Variants in MEGF11 observed in about 807,000 individuals in gnomAD.
MEGF11 encodes multiple EGF like domains 11.
A neutral mutation model predicts 146.6 loss-of-function variants in MEGF11; 126 were observed. The observed-to-expected ratio is 0.86, with a 90% CI of 0.74 to 1.00. The LOEUF (loss-of-function observed/expected upper bound fraction) is 1.00. Ranked by LOEUF, MEGF11 falls within the 50% of genes least tolerant of loss-of-function variation. The pLI, the probability that MEGF11 is intolerant of heterozygous loss-of-function variation, is 0.00. For synonymous variants in MEGF11, 532 were observed against 583.4 expected (o/e 0.91, Z 1.27); for missense variants, 1,509 against 1,521.2 (o/e 0.99, Z 0.13).
At chr15:66,149,355 A>G (rs941959304) in intron 1 of MEGF11, among the ~76,000 whole-genome samples, 1 of 152,162 alleles carries the variant, frequency 6.6e-6, no homozygotes, top group African/African-American at 2.4e-5. Context: ...TGATCTCTCC[A>G]ACCCTTGGTT....
At chr15:66,233,407 T>C (rs547291557) in intron 1 of MEGF11, among the ~76,000 whole-genome samples, 14 of 152,256 alleles carry the variant, frequency 9.2e-5, no homozygotes, top group African/African-American at 3.4e-4. Context: ...GGCTAATTTT[T>C]GTATTTTTAG....
intron 13 of MEGF11, among the ~76,000 whole-genome samples, chr15:65,927,891 A>C (rs898530365): frequency 6.6e-6 from 1 of 152,228 alleles, no homozygotes; most frequent in African/African-American, 2.4e-5. Flanking sequence ...CATTCTGAAC[A>C]GGGACTGAAA....
At chr15:66,238,643 G>T (rs1272556107) in intron 1 of MEGF11, among the ~76,000 whole-genome samples, 1 of 152,198 alleles carries the variant, frequency 6.6e-6, no homozygotes, top group Admixed American at 6.5e-5. Flanking sequence ...CCTGAGATAG[G>T]TTCTATCATA....
At chr15:66,185,181 G>A (rs935845664) in intron 1 of MEGF11, among the ~76,000 whole-genome samples, 1 of 152,106 alleles carries the variant, frequency 6.6e-6, no homozygotes, top group Non-Finnish European at 1.5e-5. Context: ...TCTCTAGAAT[G>A]TGGGGACGGC....
chr15:66,176,815 C>T (rs545877124), intron 1 of MEGF11, among the ~76,000 whole-genome samples: 1 of 152,336 alleles, frequency 6.6e-6, no homozygotes, highest in Admixed American at 6.5e-5. Flanking sequence ...GATAGGGGTT[C>T]TGTCTGCCTG....
chr15:65,970,212 A>C (rs1318624452), intron 8 of MEGF11, among the ~76,000 whole-genome samples: 1 of 150,566 alleles, frequency 6.6e-6, no homozygotes, highest in African/African-American at 2.5e-5. Flanking sequence ...AAACATATGA[A>C]TGAAGTGATT....
rs548338405 is a variant in MEGF11, at chr15:66,211,506, AGAGT to A, written c.-9+42095_-9+42098del. Among the ~76,000 whole-genome samples, 11 of 144,138 alleles carry A rather than the reference AGAGT, an allele frequency of 7.6e-5. No individual in the cohort carries two copies. In the South Asian group the frequency reaches 2.5e-3, roughly 33 times the overall value. The allele number at this position is 144,138 out of a possible 152,430, so 94.6% of individuals were successfully genotyped here. A position where few individuals can be genotyped will look rare whatever the true frequency, so the allele number is the denominator to read the frequency against. ...ACCACTGCACTCCAGCCTGGGTGAC[AGAGT>A]GAGACTCAGTCTCAAAAAAAAAAAA... On this transcript the variant is annotated intron_variant, in intron 1 of 25. Transcript: ENST00000395614.
At chr15:66,212,928 G>A (rs1169988184) in intron 1 of MEGF11, among the ~76,000 whole-genome samples, 3 of 152,358 alleles carry the variant, frequency 2.0e-5, no homozygotes, top group African/African-American at 7.2e-5. Context: ...GAGGCAGGGA[G>A]GACCAAGCTA....
intron 5 of MEGF11, among the ~76,000 whole-genome samples, chr15:65,996,685 C>T (rs1275533516): frequency 6.6e-6 from 1 of 152,088 alleles, no homozygotes; most frequent in Non-Finnish European, 1.5e-5. Flanking sequence ...AGGGTTTCAT[C>T]ATGCTGACCA....
intron 16 of MEGF11, 139 bp from the exon 17 acceptor site, chr15:65,917,095 T>C (rs2079025576): frequency 1.1e-6 from 1 of 919,530 alleles, no homozygotes; most frequent in Non-Finnish European, 1.6e-6. Context: ...AGGGGCTTCA[T>C]GCACTGTTCC....
chr15:66,013,025 C>T, intron 5 of MEGF11, among the ~76,000 whole-genome samples: 1 of 152,378 alleles, frequency 6.6e-6, no homozygotes, highest in East Asian at 1.9e-4. Flanking sequence ...AGATTCTCCT[C>T]TTTCGCCTTG....
At chr15:65,924,493 C>T (rs2079296949) in intron 13 of MEGF11, among the ~76,000 whole-genome samples, 2 of 152,030 alleles carry the variant, frequency 1.3e-5, no homozygotes, top group South Asian at 4.2e-4. Context: ...GAGGTGAACC[C>T]TGGACAGGCA....
At chr15:65,920,776 T>C (rs1007508729) in intron 15 of MEGF11, among the ~76,000 whole-genome samples, 5 of 152,262 alleles carry the variant, frequency 3.3e-5, no homozygotes, top group African/African-American at 9.6e-5. Flanking sequence ...GTTCAATTTT[T>C]TACAAGGTTT....
chr15:66,049,060 G>A (rs1459597506), intron 5 of MEGF11, among the ~76,000 whole-genome samples: 3 of 152,162 alleles, frequency 2.0e-5, no homozygotes, highest in Non-Finnish European at 4.4e-5. Flanking sequence ...GGGCATTCTG[G>A]GGGAGGCAGC....
In MEGF11 at chr15:66,215,345, G is replaced by A. The variant is rs1312891270; in HGVS notation, c.-9+38260C>T. Among the ~76,000 whole-genome samples, 3 of 152,034 alleles carry A rather than the reference G, an allele frequency of 2.0e-5. No individual in the cohort carries two copies. In the East Asian group the frequency reaches 5.8e-4, roughly 29 times the overall value. ...ACAGAGAATGGAAATGCCCCCAGAG[G>A]GACCACCTGAGCCCTGGGAACCTCC... On this transcript the variant is annotated intron_variant, in intron 1 of 25. Coordinates refer to ENST00000395614, the MANE Select transcript of MEGF11 (RefSeq NM_001385028.1).
intron 24 of MEGF11, among the ~76,000 whole-genome samples, chr15:65,904,860 A>G (rs957586582): frequency 2.6e-5 from 4 of 152,204 alleles, no homozygotes; most frequent in Non-Finnish European, 5.9e-5. Context: ...GATTTAGGAT[A>G]TGCATTGGGA....
At chr15:66,180,973 G>C (rs1259363870) in intron 1 of MEGF11, among the ~76,000 whole-genome samples, 1 of 152,184 alleles carries the variant, frequency 6.6e-6, no homozygotes, top group Non-Finnish European at 1.5e-5. Flanking sequence ...AGCTCCTCCG[G>C]CTGCGCTCAT....
chr15:66,221,240 C>T (rs762689935), intron 1 of MEGF11, among the ~76,000 whole-genome samples: 1 of 152,104 alleles, frequency 6.6e-6, no homozygotes, highest in Admixed American at 6.5e-5. Flanking sequence ...TTCCTCTCTG[C>T]GACTCTCCTT....
intron 1 of MEGF11, among the ~76,000 whole-genome samples, chr15:66,133,116 C>G (rs1762450225): frequency 6.6e-6 from 1 of 152,222 alleles, no homozygotes; most frequent in African/African-American, 2.4e-5. Flanking sequence ...ACAAGGCATT[C>G]CATGTTGTGT....
Sources: gnomAD v4.1 joint callset for allele counts (sites outside exome capture counted in the v4.1 genomes callset) on GRCh38, gnomAD v4.1.1 for gene constraint, MANE v1.5 for transcripts, NCBI Gene and HGNC (gene_info 2026-07-23, HGNC 2026-07-21) for gene names.